Variants in ANO4 observed in about 807,000 individuals in gnomAD.
The protein encoded by ANO4 is anoctamin-4.
ANO4 carries 69 observed loss-of-function variants against 141.9 expected under a neutral mutation model. The ratio of observed to expected loss-of-function variants is 0.49; its 90% CI spans 0.40 to 0.59. The LOEUF (loss-of-function observed/expected upper bound fraction) is 0.59. ANO4 is among the 20% of genes least tolerant of loss of function. ANO4 has a pLI of 0.00. For synonymous variants in ANO4, 350 were observed against 394.3 expected (o/e 0.89, Z 1.33); for missense variants, 894 against 1,162.2 (o/e 0.77, Z 3.36).
At chr12:101,120,485 T>TGCAACATTTGAATGCA in intron 25 of ANO4, 35 bp from the exon 26 acceptor site, 1 of 1,556,360 alleles carries the variant, frequency 6.4e-7, no homozygotes, top group Non-Finnish European at 8.9e-7. Flanking sequence ...AGAAAAATCA[T>TGCAACATTTGAATGCA]AGTTTGAATG....
At chr12:100,770,781 ATTTTTTT>A (rs10652346) in intron 3 of ANO4, among the ~76,000 whole-genome samples, 48 of 131,368 alleles carry the variant, frequency 3.7e-4, no homozygotes, top group African/African-American at 6.4e-4. Context: ...CTTGGCTTGA[ATTTTTTT>A]TTTTTTTTTT....
intron 22 of ANO4, among the ~76,000 whole-genome samples, chr12:101,104,627 GTATATATATATATATATATATATATA>G (rs1167784816): frequency 1.5e-4 from 9 of 62,062 alleles, no homozygotes; most frequent in Non-Finnish European, 2.0e-4. Context: ...ATGTATGTGT[GTATATATATATATATATATATATATA>G]TATATATATA....
At chr12:101,012,996 A>G (rs2046162307) in intron 8 of ANO4, among the ~76,000 whole-genome samples, 1 of 152,070 alleles carries the variant, frequency 6.6e-6, no homozygotes, top group Non-Finnish European at 1.5e-5. Context: ...ACATCTGGAG[A>G]AAAGGGAACT....
In ANO4 at chr12:101,048,140, T is replaced by C. The variant is rs2047705385; in HGVS notation, c.1252-201T>C. 8 of 1,053,008 alleles carry C rather than the reference T, an allele frequency of 7.6e-6. No individual in the cohort carries two copies. In the Admixed American group the frequency reaches 2.5e-4, roughly 33 times the overall value. The allele number at this position is 1,053,008 out of a possible 1,614,324, so 65.2% of individuals were successfully genotyped here. On this transcript the variant is annotated intron_variant, in intron 13 of 27. Coordinates refer to ENST00000392977, the MANE Select transcript of ANO4 (RefSeq NM_001286615.2). ...TGATAACCACATAAAGAGAACAAAT[T>C]GTATCCTCTATATATGAACTACCTT... is the stretch of plus-strand genomic sequence containing the variant.
intron 8 of ANO4, among the ~76,000 whole-genome samples, chr12:101,015,407 T>C (rs647989): frequency 0.16 from 22,803 of 144,464 alleles, 1,837 homozygotes; most frequent in East Asian, 0.25. Context: ...TTGTCCTGTC[T>C]TGGAGATTTT....
intron 14 of ANO4, among the ~76,000 whole-genome samples, chr12:101,061,499 C>G (rs1352192877): frequency 6.6e-6 from 1 of 152,008 alleles, no homozygotes. Context: ...TCCATTCTCC[C>G]CATCACTTTC....
At chr12:100,794,248 C>T (rs927570213), upstream of ANO4, among the ~76,000 whole-genome samples, 2 of 152,120 alleles carry the variant, frequency 1.3e-5, no homozygotes, top group Non-Finnish European at 2.9e-5. Context: ...CATTACTGTA[C>T]TCATGATGAC....
intron 1 of ANO4, among the ~76,000 whole-genome samples, chr12:100,872,565 G>C (rs1003138527): frequency 2.0e-5 from 3 of 152,198 alleles, no homozygotes; most frequent in African/African-American, 7.2e-5. Context: ...ACAAATGCAA[G>C]TACAATTATC....
At chr12:101,014,581 A>G (rs185858465) in intron 8 of ANO4, among the ~76,000 whole-genome samples, 186 of 152,302 alleles carry the variant, frequency 1.2e-3, no homozygotes, top group African/African-American at 4.3e-3. Flanking sequence ...TCACAAACGC[A>G]GGAGAAAATT....
chr12:101,069,180 C>T (rs1328822929), intron 14 of ANO4: 23 of 1,282,302 alleles, frequency 1.8e-5, no homozygotes, highest in African/African-American at 1.3e-4. Context: ...ATAAAACATG[C>T]GAGGAACAGT....
At position 100,947,185 on chromosome 12, in the gene ANO4, T is replaced by G. The variant is rs543043251; in HGVS notation, c.456+4650T>G. Among the ~76,000 whole-genome samples the G allele has an allele frequency of 5.3e-5, 8 of 152,350 alleles. No homozygotes were observed. The South Asian group carries it at 1.7e-3, about 32-fold the overall frequency. Reference sequence around the variant, plus strand: ...TTTGGTCAATAAAGAGTTCTTTCTATTTTAGATGGGAGAAATAAATACATG... The same window carrying G: ...TTTGGTCAATAAAGAGTTCTTTCTAGTTTAGATGGGAGAAATAAATACATG... On this transcript the variant is annotated intron_variant, in intron 5 of 27. Transcript: ENST00000392977.
intron 1 of ANO4, among the ~76,000 whole-genome samples, chr12:100,844,782 G>A (rs1238301490): frequency 6.6e-6 from 1 of 151,958 alleles, no homozygotes; most frequent in African/African-American, 2.4e-5. Context: ...ATAGTCAGCC[G>A]GAGGGATAGT....
At chr12:100,784,080 A>G (rs534813135) in intron 3 of ANO4, among the ~76,000 whole-genome samples, 14 of 152,146 alleles carry the variant, frequency 9.2e-5, no homozygotes, top group African/African-American at 3.4e-4. Flanking sequence ...TCACTGTTGT[A>G]TTTTGCTTAA....
chr12:100,979,957 G>A (rs188039641), intron 7 of ANO4, among the ~76,000 whole-genome samples: 1 of 150,168 alleles, frequency 6.7e-6, no homozygotes, highest in East Asian at 2.0e-4. Flanking sequence ...ACCCAGGATG[G>A]TCTCGATCTC....
At chr12:101,043,147 A>G (rs551636629) in intron 12 of ANO4, among the ~76,000 whole-genome samples, 11 of 152,308 alleles carry the variant, frequency 7.2e-5, no homozygotes, top group African/African-American at 1.2e-4. Context: ...TTTGTTTTCC[A>G]TATTAGTTTT....
intron 3 of ANO4, among the ~76,000 whole-genome samples, chr12:100,763,985 T>C (rs944385722): frequency 1.3e-5 from 2 of 152,132 alleles, no homozygotes; most frequent in African/African-American, 4.8e-5. Flanking sequence ...TTCTTGCCTT[T>C]GTTTCCTGTT....
chr12:101,018,161 T>C (rs1413444828), intron 8 of ANO4, among the ~76,000 whole-genome samples: 2 of 152,206 alleles, frequency 1.3e-5, no homozygotes, highest in Non-Finnish European at 2.9e-5. Flanking sequence ...TATGACATCT[T>C]TACTTGGTGT....
chr12:100,760,730 C>T (rs935263284), intron 3 of ANO4, among the ~76,000 whole-genome samples: 4 of 152,202 alleles, frequency 2.6e-5, no homozygotes, highest in African/African-American at 9.6e-5. Context: ...TTTGCAGCTC[C>T]TCTTCTGTTC....
chr12:100,800,591 A>G (rs1413754776), intron 1 of ANO4, among the ~76,000 whole-genome samples: 1 of 152,192 alleles, frequency 6.6e-6, no homozygotes, highest in East Asian at 1.9e-4. Context: ...TGATTTTGTG[A>G]CCTGACTGAA....
Sources: allele counts gnomAD v4.1 joint callset (sites outside exome capture counted in the v4.1 genomes callset), GRCh38; gene constraint gnomAD v4.1.1; transcripts MANE v1.5; gene names NCBI Gene and HGNC (gene_info 2026-07-23, HGNC 2026-07-21).